Variants in IGSF10 observed in about 807,000 individuals in gnomAD.
IGSF10 encodes immunoglobulin superfamily member 10, also known as calvaria mechanical force protein 608.
In IGSF10, 126 loss-of-function variants were observed where a neutral mutation model predicts 128.2. That is an observed-to-expected ratio of 0.98 (90% CI 0.85 to 1.14). The LOEUF (loss-of-function observed/expected upper bound fraction) is 1.14, where lower values mean the gene tolerates loss of function less well. Among genes scored for constraint, IGSF10 ranks in the 50% most tolerant of loss-of-function variants. The pLI is 0.00. For synonymous variants in IGSF10, 1,185 were observed against 1,146.2 expected (o/e 1.03, Z -0.68); for missense variants, 3,295 against 3,149.8 (o/e 1.05, Z -1.10).
At chr3:151,566,265 G>A in the IGSF10 span, among the ~76,000 whole-genome samples, 2 of 151,940 alleles carry the variant, frequency 1.3e-5, no homozygotes, top group Admixed American at 6.6e-5. Flanking sequence ...ACAAATGATA[G>A]ATTAGGAAAG....
chr3:151,519,036 T>G, the IGSF10 span, among the ~76,000 whole-genome samples: 1 of 152,006 alleles, frequency 6.6e-6, no homozygotes, highest in African/African-American at 2.4e-5. Context: ...TACTTAAAAA[T>G]GCCAAGAAAA....
the IGSF10 span, among the ~76,000 whole-genome samples, chr3:151,527,979 A>G: frequency 1.3e-5 from 2 of 152,284 alleles, no homozygotes; most frequent in East Asian, 3.9e-4. Flanking sequence ...ACCTGGGTTC[A>G]GATTTTAACT....
chr3:151,488,089 C>G, the IGSF10 span, among the ~76,000 whole-genome samples: 4 of 152,094 alleles, frequency 2.6e-5, no homozygotes, highest in African/African-American at 9.7e-5. Context: ...CCCATCATCA[C>G]AGCCCAAAAT....
the IGSF10 span, among the ~76,000 whole-genome samples, chr3:151,618,459 G>A: frequency 1.3e-5 from 2 of 152,290 alleles, no homozygotes; most frequent in African/African-American, 2.4e-5. Context: ...TGCCGGGCGC[G>A]GTGGCTCACG....
chr3:151,564,751 A>G, the IGSF10 span, among the ~76,000 whole-genome samples: 1 of 152,330 alleles, frequency 6.6e-6, no homozygotes, highest in Non-Finnish European at 1.5e-5. Flanking sequence ...GAGCTTTAGC[A>G]TGAGAGAGCA....
chr3:151,614,319 G>C, the IGSF10 span, among the ~76,000 whole-genome samples: 1 of 152,120 alleles, frequency 6.6e-6, no homozygotes, highest in East Asian at 1.9e-4. Context: ...TCCCATTACT[G>C]GGTATATACC....
downstream of IGSF10, chr3:151,434,589 A>C (rs1291216456): frequency 1.3e-5 from 2 of 152,254 alleles, no homozygotes; most frequent in East Asian, 3.8e-4. Flanking sequence ...CTCAAGAAAC[A>C]TACTTAGATA....
At chr3:151,509,649 C>T in the IGSF10 span, among the ~76,000 whole-genome samples, 2 of 152,266 alleles carry the variant, frequency 1.3e-5, no homozygotes, top group Admixed American at 1.3e-4. Flanking sequence ...GGGTGCAGCG[C>T]ACCGTGCATG....
chr3:151,436,542 T>G lies in IGSF10; in HGVS notation c.*147A>C, dbSNP rs748426077. Reference sequence around the variant, plus strand: ...GTATCATCAGTTCATAATGCATTTATTTACAAGTCCTTTTATTTTGCATGT... The same window carrying G: ...GTATCATCAGTTCATAATGCATTTAGTTACAAGTCCTTTTATTTTGCATGT... On this transcript the variant is annotated 3_prime_UTR_variant, in exon 8 of 8. Transcript: ENST00000282466. 8.6e-5 allele frequency: 52 copies of G among 602,244 alleles called. No individual in the cohort carries two copies. Among genetic ancestry groups the G allele is most frequent in the Non-Finnish European group, 1.4e-4 (49 of 351,346 alleles). 37.3% of individuals were successfully genotyped at this position (602,244 alleles called of 1,614,324 possible).
At chr3:151,511,996 C>A in the IGSF10 span, among the ~76,000 whole-genome samples, 1 of 152,150 alleles carries the variant, frequency 6.6e-6, no homozygotes, top group Non-Finnish European at 1.5e-5. Flanking sequence ...GAGACTTAGA[C>A]TCCCACACCA....
At chr3:151,593,452 GGCT>G in the IGSF10 span, among the ~76,000 whole-genome samples, 1 of 151,948 alleles carries the variant, frequency 6.6e-6, no homozygotes, top group Non-Finnish European at 1.5e-5. Flanking sequence ...GATAGGTAGA[GGCT>G]GCTACCACCA....
the IGSF10 span, among the ~76,000 whole-genome samples, chr3:151,567,923 G>A: frequency 6.6e-6 from 1 of 152,140 alleles, no homozygotes; most frequent in Non-Finnish European, 1.5e-5. Context: ...GGAACTGTGA[G>A]TGCAAACACC....
chr3:151,439,375 G>A (rs966944112), intron 7 of IGSF10, among the ~76,000 whole-genome samples: 1 of 152,202 alleles, frequency 6.6e-6, no homozygotes, highest in African/African-American at 2.4e-5. Context: ...CATTTTGGGA[G>A]GCCAATGTGG....
chr3:151,549,300 G>A, the IGSF10 span, among the ~76,000 whole-genome samples: 1 of 152,024 alleles, frequency 6.6e-6, no homozygotes, highest in East Asian at 1.9e-4. Flanking sequence ...TCCTTACCTC[G>A]ATCTGTGCCT....
At chr3:151,594,157 T>A in the IGSF10 span, among the ~76,000 whole-genome samples, 2 of 152,094 alleles carry the variant, frequency 1.3e-5, no homozygotes, top group East Asian at 3.9e-4. Context: ...TTAATAACAC[T>A]CTTTGGAAGC....
At chr3:151,457,604 G>C (rs990435174) in intron 3 of IGSF10, among the ~76,000 whole-genome samples, 1 of 152,112 alleles carries the variant, frequency 6.6e-6, no homozygotes, top group Non-Finnish European at 1.5e-5. Flanking sequence ...GTATGATTAC[G>C]AGCTCAGGCT....
chr3:151,596,795 A>G, the IGSF10 span, among the ~76,000 whole-genome samples: 1 of 152,184 alleles, frequency 6.6e-6, no homozygotes, highest in African/African-American at 2.4e-5. Context: ...AACTAAATGG[A>G]TGTTATTAGG....
At chr3:151,486,523 G>C in the IGSF10 span, among the ~76,000 whole-genome samples, 1 of 152,156 alleles carries the variant, frequency 6.6e-6, no homozygotes, top group Non-Finnish European at 1.5e-5. Flanking sequence ...ATTCTTCTCA[G>C]CACTACATTT....
Position 151,453,720 on chromosome 3 carries a change from C to T in IGSF10, c.379G>A (p.Gly127Ser). 1 of 1,598,628 alleles carries T rather than the reference C, an allele frequency of 6.3e-7. No individual in the cohort carries two copies. Reference sequence around the variant, plus strand: ...TGCAATCGTGTCAAGCTCCTGAGGCCATAAAAAGTATCTTTCTGAAGTTTT... The same window carrying T: ...TGCAATCGTGTCAAGCTCCTGAGGCTATAAAAAGTATCTTTCTGAAGTTTT... The part of the protein sequence containing the change: ...VRKLQKDTFY[G>S]LRSLTRLHMD... Residue 127 changes from glycine (G) to serine (S), a missense_variant, in exon 5 of 8, where the codon GGC (glycine) becomes AGC (serine). Gly to Ser is a moderately conservative substitution (Grantham distance 56, BLOSUM62 0). Transcript: ENST00000282466.
Sources: allele counts gnomAD v4.1 joint callset (sites outside exome capture counted in the v4.1 genomes callset), GRCh38; gene constraint gnomAD v4.1.1; transcripts MANE v1.5; gene names NCBI Gene and HGNC (gene_info 2026-07-23, HGNC 2026-07-21).